Variants in SLC9A9 observed in about 807,000 individuals in gnomAD.
The protein encoded by SLC9A9 is sodium/hydrogen exchanger 9.
SLC9A9 carries 62 observed loss-of-function variants against 77.8 expected under a neutral mutation model. The ratio of observed to expected loss-of-function variants is 0.80; its 90% CI spans 0.65 to 0.98. The LOEUF (loss-of-function observed/expected upper bound fraction) is 0.98, where lower values mean the gene tolerates loss of function less well. SLC9A9 is among the 50% of genes least tolerant of loss of function. SLC9A9 has a pLI of 0.00. For synonymous variants in SLC9A9, 320 were observed against 283.5 expected (o/e 1.13, Z -1.29); for missense variants, 775 against 774.9 (o/e 1.00, Z 0.00).
rs2038758223 is a variant in SLC9A9, at chr3:143,649,197, T to G, written c.755+3058A>C. 2.0e-5 allele frequency among the ~76,000 whole-genome samples: 3 copies of G among 152,308 alleles called. No homozygotes were observed. In the South Asian group the frequency reaches 6.2e-4, roughly 32 times the overall value. ...TCAGGGTTCAAAAACACACACTCCT[T>G]GAGATCTCTTCCATATATCTTTTGC... On this transcript the variant is annotated intron_variant, in intron 6 of 15. Coordinates refer to ENST00000316549, the MANE Select transcript of SLC9A9 (RefSeq NM_173653.4).
chr3:143,791,219 G>T (rs932290013), intron 4 of SLC9A9, among the ~76,000 whole-genome samples: 44 of 152,170 alleles, frequency 2.9e-4, no homozygotes, highest in African/African-American at 1.0e-3. Context: ...ATCTATCATT[G>T]AAATAAAAAA....
At chr3:143,701,126 C>G (rs1422652044) in intron 4 of SLC9A9, among the ~76,000 whole-genome samples, 3 of 152,180 alleles carry the variant, frequency 2.0e-5, no homozygotes, top group Non-Finnish European at 4.4e-5. Context: ...GCAGATATGG[C>G]TTAGATAATA....
chr3:143,707,369 TACAC>T (rs67386185), intron 4 of SLC9A9, among the ~76,000 whole-genome samples: 2,414 of 149,056 alleles, frequency 0.016, 73 homozygotes, highest in African/African-American at 0.056. Context: ...TTTTAAAATC[TACAC>T]ACACACACAC....
chr3:143,683,358 T>C (rs2121768), intron 5 of SLC9A9, among the ~76,000 whole-genome samples: 67,754 of 151,894 alleles, frequency 0.45, 15,427 homozygotes, highest in Non-Finnish European at 0.5. Flanking sequence ...AACAATTAAA[T>C]GATACTATGG....
chr3:143,384,329 A>G (rs13073481), intron 12 of SLC9A9, among the ~76,000 whole-genome samples: 56,128 of 151,932 alleles, frequency 0.37, 10,483 homozygotes, highest in Non-Finnish European at 0.4. Flanking sequence ...AGAGCCCTCC[A>G]GCAGGTGCTG....
At chr3:143,433,906 CA>C in intron 12 of SLC9A9, among the ~76,000 whole-genome samples, 1 of 152,156 alleles carries the variant, frequency 6.6e-6, no homozygotes, top group Non-Finnish European at 1.5e-5. Context: ...TATACCTTTG[CA>C]TGCCAGGTTT....
chr3:143,742,736 A>G lies in SLC9A9; in HGVS notation c.534-49429T>C, dbSNP rs372417405. On this transcript the variant is annotated intron_variant, in intron 4 of 15. Transcript: ENST00000316549. ...TTAATAATATACCAAAATTTAGTTT[A>G]TAACTAAGTACAATGTTTGTTCATT... Among the ~76,000 whole-genome samples, 26 of 152,338 alleles carry G rather than the reference A, an allele frequency of 1.7e-4. No individual in the cohort carries two copies. In the East Asian group the frequency reaches 2.5e-3, roughly 15 times the overall value.
Position 143,449,836 on chromosome 3 carries a change from ATG to A in SLC9A9, c.1469+17199_1469+17200del, listed in dbSNP as rs2034954325. On this transcript the variant is annotated intron_variant, in intron 12 of 15. Coordinates refer to ENST00000316549, the MANE Select transcript of SLC9A9 (RefSeq NM_173653.4). ...ATTATATATTTACATATATAATTAT[ATG>A]TATTATATATATATAATTATATATA... Among the ~76,000 whole-genome samples the A allele has an allele frequency of 1.9e-4, 5 of 26,918 alleles. 1 individual carries two copies. The highest frequency in any genetic ancestry group is 7.8e-4 in the African/African-American group (4 of 5,138). 17.7% of individuals were successfully genotyped at this position (26,918 alleles called of 152,430 possible).
chr3:143,483,939 T>C (rs1487102268), intron 11 of SLC9A9, among the ~76,000 whole-genome samples: 1 of 152,150 alleles, frequency 6.6e-6, no homozygotes, highest in Non-Finnish European at 1.5e-5. Flanking sequence ...CACAAATACC[T>C]ACCCAAGAAA....
chr3:143,349,692 G>A (rs1283099923), intron 14 of SLC9A9, among the ~76,000 whole-genome samples: 1 of 152,158 alleles, frequency 6.6e-6, no homozygotes, highest in Admixed American at 6.5e-5. Flanking sequence ...GCTGTTCCAG[G>A]CGATTGAGTC....
intron 12 of SLC9A9, among the ~76,000 whole-genome samples, chr3:143,391,295 A>G (rs2033559392): frequency 1.3e-5 from 2 of 152,228 alleles, no homozygotes; most frequent in African/African-American, 4.8e-5. Context: ...CTGTTCAGCA[A>G]TATTTGCTGT....
At chr3:143,284,009 G>C in intron 14 of SLC9A9, among the ~76,000 whole-genome samples, 1 of 150,536 alleles carries the variant, frequency 6.6e-6, no homozygotes, top group Non-Finnish European at 1.5e-5. Flanking sequence ...AGTTTGTTGT[G>C]TGTCCACTTT....
chr3:143,740,004 G>A (rs1184891598), intron 4 of SLC9A9, among the ~76,000 whole-genome samples: 3 of 152,068 alleles, frequency 2.0e-5, no homozygotes, highest in Non-Finnish European at 1.5e-5. Context: ...TTTCTCAGTC[G>A]GGTTTCCATA....
At chr3:143,390,417 G>A (rs1395143777) in intron 12 of SLC9A9, among the ~76,000 whole-genome samples, 2 of 152,234 alleles carry the variant, frequency 1.3e-5, no homozygotes, top group Admixed American at 6.5e-5. Flanking sequence ...AACGGAGATA[G>A]GAATGGTAAA....
At chr3:143,724,695 A>C (rs1405082538) in intron 4 of SLC9A9, among the ~76,000 whole-genome samples, 2 of 152,252 alleles carry the variant, frequency 1.3e-5, no homozygotes, top group African/African-American at 4.8e-5. Context: ...ACAAAACTAC[A>C]ATGATTGCTT....
At chr3:143,274,734 A>T (rs948116564) in intron 14 of SLC9A9, among the ~76,000 whole-genome samples, 1 of 152,192 alleles carries the variant, frequency 6.6e-6, no homozygotes, top group Non-Finnish European at 1.5e-5. Flanking sequence ...TTCCACAATG[A>T]TTCATTTGCT....
At chr3:143,287,998 G>A (rs1316102416) in intron 14 of SLC9A9, among the ~76,000 whole-genome samples, 5 of 152,090 alleles carry the variant, frequency 3.3e-5, no homozygotes, top group Non-Finnish European at 7.4e-5. Context: ...TGATCAATTT[G>A]TTTTTATTCA....
chr3:143,575,614 A>G (rs574852790), intron 7 of SLC9A9, among the ~76,000 whole-genome samples: 132 of 152,304 alleles, frequency 8.7e-4, no homozygotes, highest in African/African-American at 3.1e-3. Context: ...ATCCTTTTAC[A>G]ATATTCCCTT....
chr3:143,835,964 A>G (rs1015151304), intron 1 of SLC9A9, among the ~76,000 whole-genome samples: 1 of 152,184 alleles, frequency 6.6e-6, no homozygotes, highest in African/African-American at 2.4e-5. Context: ...TCTAGTCTAG[A>G]TGTATCCCCT....
Sources: gnomAD v4.1 joint callset for allele counts (sites outside exome capture counted in the v4.1 genomes callset) on GRCh38, gnomAD v4.1.1 for gene constraint, MANE v1.5 for transcripts, NCBI Gene and HGNC (gene_info 2026-07-23, HGNC 2026-07-21) for gene names.